The following CHD7 variants were observed in gnomAD, a reference collection of about 807,000 sequenced individuals.
CHD7 encodes chromodomain helicase DNA binding protein 7.
In CHD7, 24 loss-of-function variants were observed where a neutral mutation model predicts 307.3. That is an observed-to-expected ratio of 0.08 (90% CI 0.06 to 0.11). The LOEUF is 0.11. CHD7 is among the 10% of genes least tolerant of loss of function. CHD7 has a pLI of 1.00. For missense variants in CHD7, 3,106 were observed against 3,727.1 expected (o/e 0.83, Z 4.34); for synonymous variants, 1,363 against 1,349.9 (o/e 1.01, Z -0.21).
intron 6 of CHD7, among the ~76,000 whole-genome samples, chr8:60,803,762 A>G (rs150471601): frequency 6.6e-6 from 1 of 152,392 alleles, no homozygotes; most frequent in Non-Finnish European, 1.5e-5. Context: ...TTCTCAAAGT[A>G]GATACTTTAG....
intron 1 of CHD7, among the ~76,000 whole-genome samples, chr8:60,732,383 C>G (rs893577321): frequency 2.6e-5 from 4 of 152,238 alleles, no homozygotes; most frequent in African/African-American, 9.6e-5. Context: ...CTCAGCCCCT[C>G]TGCATGCTTG....
chr8:60,695,920 CTG>C (rs1171228285), intron 1 of CHD7, among the ~76,000 whole-genome samples: 1 of 147,330 alleles, frequency 6.8e-6, no homozygotes, highest in Non-Finnish European at 1.5e-5. Context: ...AAAGTAGAGA[CTG>C]TGTGTATAAA....
chr8:60,839,126 A>G (rs1027676680), intron 19 of CHD7, among the ~76,000 whole-genome samples: 9 of 152,164 alleles, frequency 5.9e-5, no homozygotes, highest in Non-Finnish European at 8.8e-5. Context: ...GCATGAATCT[A>G]CTTTCTTTTT....
Position 60,828,410 on chromosome 8 carries a change from C to T in CHD7, c.3379-253C>T, listed in dbSNP as rs1242882027. Among the ~76,000 whole-genome samples, 4 of 152,244 alleles carry T rather than the reference C, an allele frequency of 2.6e-5. 1 individual carries two copies. The East Asian group carries it at 7.7e-4, about 29-fold the overall frequency. On this transcript the variant is annotated intron_variant, in intron 13 of 37. Transcript: ENST00000423902. ...AAAGCCGTGATACTAAAATACTGAC[C>T]TATAACCCCAGGAAGAAACAAAATG... is the stretch of plus-strand genomic sequence containing the variant.
At chr8:60,862,708 T>C in intron 37 of CHD7, 56 bp downstream of exon 37, 2 of 1,189,236 alleles carry the variant, frequency 1.7e-6, no homozygotes, top group Non-Finnish European at 2.4e-6. Flanking sequence ...CTGTTTTCCT[T>C]AGTCTTTCTT....
intron 1 of CHD7, among the ~76,000 whole-genome samples, chr8:60,716,508 G>A (rs140821813): frequency 1.3e-5 from 2 of 152,138 alleles, no homozygotes; most frequent in South Asian, 2.1e-4. Flanking sequence ...TCAGGGCCTC[G>A]TAGGGCCTGC....
At chr8:60,855,863 C>G (rs1486028474) in intron 32 of CHD7, 112 bp from the exon 33 acceptor site, 3 of 687,832 alleles carry the variant, frequency 4.4e-6, no homozygotes, top group African/African-American at 3.6e-5. Flanking sequence ...TTTTTGTCCT[C>G]CAGTTGACTT....
At chr8:60,716,574 A>G (rs1027053641) in intron 1 of CHD7, among the ~76,000 whole-genome samples, 1 of 152,204 alleles carries the variant, frequency 6.6e-6, no homozygotes, top group African/African-American at 2.4e-5. Context: ...CCTGTGAGGC[A>G]GTCCCTTACC....
intron 29 of CHD7, 76 bp from the exon 30 acceptor site, chr8:60,852,422 G>A: frequency 7.0e-7 from 1 of 1,425,770 alleles, no homozygotes; most frequent in Non-Finnish European, 9.6e-7. Flanking sequence ...AAAGTCTGGG[G>A]GGAAGAAGAA....
chr8:60,687,681 G>T (rs1445834863), intron 1 of CHD7, among the ~76,000 whole-genome samples: 1 of 152,142 alleles, frequency 6.6e-6, no homozygotes, highest in Non-Finnish European at 1.5e-5. Flanking sequence ...TTTCCAGTTG[G>T]GTAGTTACTC....
chr8:60,860,672 T>C lies in CHD7; in HGVS notation c.7609-232T>C, dbSNP rs367748335. On this transcript the variant is annotated intron_variant, in intron 34 of 37. Coordinates refer to ENST00000423902, the MANE Select transcript of CHD7 (RefSeq NM_017780.4). ...CTGGTCTTGAACTCCTGACCTCAGG[T>C]GATCCGCCCACCTCGGCCTCCCAGA... Among the ~76,000 whole-genome samples the C allele has an allele frequency of 3.1e-4, 47 of 152,338 alleles. 3 individuals are homozygous for C. The East Asian group carries it at 8.9e-3, about 29-fold the overall frequency.
chr8:60,699,107 A>G (rs1274396544), intron 1 of CHD7, among the ~76,000 whole-genome samples: 1 of 152,266 alleles, frequency 6.6e-6, no homozygotes, highest in Non-Finnish European at 1.5e-5. Flanking sequence ...AGTGAACAGT[A>G]TGCAACTTGA....
At position 60,813,403 on chromosome 8, in the gene CHD7, T is replaced by G. The variant is rs190771679; in HGVS notation, c.2499-2984T>G. Reference sequence around the variant, plus strand: ...TATTATGTCTCTTATTGTTTTGACTTGTCAGTTACATTGGCTAATAACCTC... The same window carrying G: ...TATTATGTCTCTTATTGTTTTGACTGGTCAGTTACATTGGCTAATAACCTC... On this transcript the variant is annotated intron_variant, in intron 7 of 37. Transcript: ENST00000423902. 2.2e-3 allele frequency among the ~76,000 whole-genome samples: 340 copies of G among 152,308 alleles called. 2 individuals are homozygous for G. Among genetic ancestry groups the G allele is most frequent in the African/African-American group, 7.9e-3 (328 of 41,584 alleles).
At chr8:60,839,401 A>G (rs1040602411) in intron 19 of CHD7, among the ~76,000 whole-genome samples, 4 of 152,178 alleles carry the variant, frequency 2.6e-5, no homozygotes, top group Non-Finnish European at 4.4e-5. Flanking sequence ...ATTTGTGTAC[A>G]AGGTTTTGTA....
At chr8:60,810,798 G>T (rs1812766534) in intron 7 of CHD7, among the ~76,000 whole-genome samples, 1 of 152,106 alleles carries the variant, frequency 6.6e-6, no homozygotes, top group Admixed American at 6.5e-5. Context: ...AGTGTGGTTT[G>T]TTATTTATTT....
At chr8:60,684,551 T>TTACC (rs1258467449) in intron 1 of CHD7, among the ~76,000 whole-genome samples, 1 of 151,960 alleles carries the variant, frequency 6.6e-6, no homozygotes, top group African/African-American at 2.4e-5. Flanking sequence ...GGGTGGGGTA[T>TTACC]TACCCCTTAG....
At chr8:60,804,540 T>G (rs953670683) in intron 6 of CHD7, among the ~76,000 whole-genome samples, 17 of 152,350 alleles carry the variant, frequency 1.1e-4, no homozygotes, top group African/African-American at 4.1e-4. Context: ...ATTTTTTCCC[T>G]AAGTGAACTG....
chr8:60,836,483 G>C (rs1249143802), intron 16 of CHD7, among the ~76,000 whole-genome samples, 200 bp downstream of exon 16: 1 of 152,034 alleles, frequency 6.6e-6, no homozygotes, highest in South Asian at 2.1e-4. Context: ...TACTTTTTTA[G>C]GCAATTTTAT....
intron 1 of CHD7, among the ~76,000 whole-genome samples, chr8:60,701,328 A>G (rs1324488735): frequency 6.6e-6 from 1 of 152,230 alleles, no homozygotes; most frequent in African/African-American, 2.4e-5. Context: ...ATTTGTGGAA[A>G]GTCTTATAAT....
Sources: gnomAD v4.1 joint callset for allele counts (sites outside exome capture counted in the v4.1 genomes callset) on GRCh38, gnomAD v4.1.1 for gene constraint, MANE v1.5 for transcripts, NCBI Gene and HGNC (gene_info 2026-07-23, HGNC 2026-07-21) for gene names.